GRID2: variants seen among roughly 807,000 people sequenced by gnomAD.
GRID2 encodes glutamate ionotropic receptor delta type subunit 2.
A neutral mutation model predicts 114.8 loss-of-function variants in GRID2; 33 were observed. The observed-to-expected ratio is 0.29, with a 90% CI of 0.22 to 0.38. The LOEUF (loss-of-function observed/expected upper bound fraction) is 0.38, where lower values mean the gene tolerates loss of function less well. GRID2 is among the 10% of genes least tolerant of loss of function. GRID2 has a pLI of 1.00. For missense variants in GRID2, 1,184 were observed against 1,257.7 expected (o/e 0.94, Z 0.89); for synonymous variants, 505 against 449.9 (o/e 1.12, Z -1.55).
intron 2 of GRID2, among the ~76,000 whole-genome samples, chr4:93,033,065 A>C (rs552060517): frequency 1.3e-5 from 2 of 152,250 alleles, no homozygotes; most frequent in Non-Finnish European, 2.9e-5. Flanking sequence ...TAACATTGAA[A>C]TATTTTCACC....
chr4:93,765,054 G>T (rs1439550), intron 14 of GRID2, among the ~76,000 whole-genome samples: 1 of 152,116 alleles, frequency 6.6e-6, no homozygotes, highest in African/African-American at 2.4e-5. Flanking sequence ...AAGATTGAAG[G>T]GAACATATCT....
At chr4:93,658,661 T>G (rs1723226047) in intron 14 of GRID2, among the ~76,000 whole-genome samples, 1 of 152,118 alleles carries the variant, frequency 6.6e-6, no homozygotes, top group Admixed American at 6.6e-5. Context: ...ACTGGCAAAA[T>G]AAGCCATCAG....
chr4:93,670,783 A>G, intron 14 of GRID2, among the ~76,000 whole-genome samples: 1 of 152,192 alleles, frequency 6.6e-6, no homozygotes, highest in African/African-American at 2.4e-5. Flanking sequence ...TTATTTTAAA[A>G]AAGAACCCAC....
At chr4:92,849,370 T>G (rs1743587856) in intron 2 of GRID2, among the ~76,000 whole-genome samples, 1 of 151,892 alleles carries the variant, frequency 6.6e-6, no homozygotes, top group Non-Finnish European at 1.5e-5. Context: ...TAACAGTTGG[T>G]ACAGAATTCT....
At chr4:93,679,916 A>C (rs1248435357) in intron 14 of GRID2, among the ~76,000 whole-genome samples, 3 of 151,266 alleles carry the variant, frequency 2.0e-5, no homozygotes, top group Non-Finnish European at 4.4e-5. Flanking sequence ...AAGGCAAGAA[A>C]TAACTAAAAT....
intron 8 of GRID2, among the ~76,000 whole-genome samples, chr4:93,363,570 T>G (rs1475687103): frequency 2.0e-5 from 3 of 152,172 alleles, no homozygotes; most frequent in African/African-American, 7.2e-5. Flanking sequence ...GTTACTGTTG[T>G]GTGAGTGCTT....
chr4:92,929,514 G>A (rs577756629), intron 2 of GRID2, among the ~76,000 whole-genome samples: 17 of 151,138 alleles, frequency 1.1e-4, no homozygotes, highest in Non-Finnish European at 1.8e-4. Context: ...TGCATTTTTC[G>A]CACCACAGAG....
At chr4:93,331,483 C>T (rs2149228911) in intron 8 of GRID2, among the ~76,000 whole-genome samples, 1 of 152,030 alleles carries the variant, frequency 6.6e-6, no homozygotes, top group South Asian at 2.1e-4. Context: ...TAACATTGAT[C>T]ACATACAAGA....
At chr4:93,330,156 T>C (rs1262665219) in intron 8 of GRID2, among the ~76,000 whole-genome samples, 1 of 152,198 alleles carries the variant, frequency 6.6e-6, no homozygotes, top group Non-Finnish European at 1.5e-5. Context: ...CAAAAGTGCT[T>C]TCTCCTGCTC....
chr4:93,510,342 A>T (rs895837793), intron 12 of GRID2, among the ~76,000 whole-genome samples: 2 of 152,214 alleles, frequency 1.3e-5, no homozygotes, highest in Non-Finnish European at 2.9e-5. Context: ...GAGATGGGAC[A>T]GAGAGGTTTA....
At chr4:93,412,967 G>C (rs1277825875) in intron 9 of GRID2, among the ~76,000 whole-genome samples, 1 of 152,168 alleles carries the variant, frequency 6.6e-6, no homozygotes, top group Non-Finnish European at 1.5e-5. Flanking sequence ...CGATGTGTAA[G>C]TGCCACATTT....
intron 15 of GRID2, among the ~76,000 whole-genome samples, chr4:93,770,732 G>C (rs1355167249): frequency 6.6e-6 from 1 of 152,092 alleles, no homozygotes; most frequent in African/African-American, 2.4e-5. Context: ...TTATAGCTGA[G>C]ACTCATATTT....
intron 4 of GRID2, among the ~76,000 whole-genome samples, chr4:93,139,026 C>T (rs569656645): frequency 1.3e-5 from 2 of 152,100 alleles, no homozygotes; most frequent in Non-Finnish European, 2.9e-5. Flanking sequence ...CCTATTTATC[C>T]TTCAAGACTC....
intron 2 of GRID2, among the ~76,000 whole-genome samples, chr4:92,740,745 T>C (rs1425820443): frequency 7.1e-6 from 1 of 141,264 alleles, no homozygotes; most frequent in Non-Finnish European, 1.6e-5. Context: ...GATAGATGGA[T>C]AGATAGATAG....
intron 1 of GRID2, among the ~76,000 whole-genome samples, chr4:92,520,737 C>G (rs1410257136): frequency 6.6e-6 from 1 of 151,940 alleles, no homozygotes. Context: ...TCCCTGATGG[C>G]TAATTCAGAT....
intron 2 of GRID2, among the ~76,000 whole-genome samples, chr4:92,731,930 C>A (rs970151037): frequency 6.6e-6 from 1 of 151,880 alleles, no homozygotes; most frequent in East Asian, 1.9e-4. Flanking sequence ...AGTGGAATTG[C>A]ATTTTTTAAA....
At chr4:92,829,690 C>T (rs931762946) in intron 2 of GRID2, among the ~76,000 whole-genome samples, 2 of 152,080 alleles carry the variant, frequency 1.3e-5, no homozygotes, top group African/African-American at 4.8e-5. Context: ...CCCAAATGCC[C>T]ATCAATGATA....
chr4:93,301,439 C>T (rs1483490331), intron 8 of GRID2, among the ~76,000 whole-genome samples: 1 of 152,078 alleles, frequency 6.6e-6, no homozygotes, highest in Non-Finnish European at 1.5e-5. Context: ...TAAAAGTTAA[C>T]ATGAAGAACA....
chr4:93,747,178 G>A lies in GRID2; in HGVS notation c.2361-22032G>A, dbSNP rs149165290. Among the ~76,000 whole-genome samples the A allele has an allele frequency of 2.0e-4, 31 of 152,084 alleles. 1 individual carries two copies. The highest frequency in any genetic ancestry group is 6.7e-4 in the African/African-American group (28 of 41,510). On this transcript the variant is annotated intron_variant, in intron 14 of 15. Transcript: ENST00000282020. ...TAAAACCACACATAATTTATCTGGA[G>A]GTTTTAAAACATGCCTTTGTATATA...
Sources: gnomAD v4.1 joint callset for allele counts (sites outside exome capture counted in the v4.1 genomes callset) on GRCh38, gnomAD v4.1.1 for gene constraint, MANE v1.5 for transcripts, NCBI Gene and HGNC (gene_info 2026-07-23, HGNC 2026-07-21) for gene names.